BCAS3: variants seen among roughly 807,000 people sequenced by gnomAD.
BCAS3 encodes the protein BCAS4/BCAS3 fusion.
In BCAS3, 53 loss-of-function variants were observed where a neutral mutation model predicts 116.1. That is an observed-to-expected ratio of 0.46 (90% CI 0.37 to 0.57). BCAS3 has a LOEUF of 0.57. Ranked by LOEUF, BCAS3 falls within the 20% of genes least tolerant of loss-of-function variation. BCAS3 has a pLI of 0.00. For synonymous variants in BCAS3, 391 were observed against 408.2 expected (o/e 0.96, Z 0.51); for missense variants, 917 against 1,165.4 (o/e 0.79, Z 3.10).
chr17:60,722,829 A>G lies in BCAS3; in HGVS notation c.321+13504A>G, dbSNP rs1024362231. 6.7e-5 allele frequency among the ~76,000 whole-genome samples: 10 copies of G among 150,218 alleles called. No individual in the cohort carries two copies. The East Asian group carries it at 2.0e-3, about 29-fold the overall frequency. On this transcript the variant is annotated intron_variant, in intron 5 of 23. Coordinates refer to ENST00000407086, the MANE Select transcript of BCAS3 (RefSeq NM_017679.5). ...ATGCCTGTAATCCTGGCACTTTGGG[A>G]GGAGGTGGGAGGATCCTTTGAGATT...
intron 6 of BCAS3, among the ~76,000 whole-genome samples, chr17:60,754,362 A>G (rs11650474): frequency 0.73 from 110,032 of 151,540 alleles, 45,594 homozygotes; most frequent in South Asian, 0.98. Context: ...GTGCCACCAT[A>G]CCTGGCTAAT....
chr17:61,267,423 A>G (rs66873968), intron 22 of BCAS3, among the ~76,000 whole-genome samples: 148,961 of 151,914 alleles, frequency 0.98, 73,087 homozygotes, highest in Middle Eastern at 1. Context: ...TGATGTCAAG[A>G]CTTTTATTTT....
In BCAS3 at chr17:61,381,651, C is replaced by A. The variant is rs754757455; in HGVS notation, c.2594-10326C>A. The stretch of plus-strand genomic sequence containing the variant: ...AAACTCAGGTTTACCATCTGGAAAC[C>A]GAAAAAGCTCTTCCTGTTTAGAGCC... On this transcript the variant is annotated intron_variant, in intron 23 of 23. Coordinates refer to ENST00000407086, the MANE Select transcript of BCAS3 (RefSeq NM_017679.5). The surrounding 1 kb of genome is among the most constrained non-coding windows in gnomAD (Gnocchi z 6.0). 6.6e-6 allele frequency among the ~76,000 whole-genome samples: 1 copy of A among 151,992 alleles called. No homozygotes were observed. Among genetic ancestry groups the A allele is most frequent in the African/African-American group, 2.4e-5 (1 of 41,374 alleles).
At chr17:60,762,309 C>G (rs2043619885) in intron 6 of BCAS3, among the ~76,000 whole-genome samples, 1 of 152,112 alleles carries the variant, frequency 6.6e-6, no homozygotes, top group Admixed American at 6.6e-5. Context: ...CCTAGGTTTT[C>G]TTCTAGGGTT....
chr17:60,720,669 T>A (rs2039139315), intron 5 of BCAS3, among the ~76,000 whole-genome samples: 1 of 152,228 alleles, frequency 6.6e-6, no homozygotes, highest in South Asian at 2.1e-4. Flanking sequence ...TATAGCTATT[T>A]ACATAGCACA....
chr17:61,318,221 A>G (rs918215732), intron 22 of BCAS3, among the ~76,000 whole-genome samples: 10 of 152,236 alleles, frequency 6.6e-5, no homozygotes, highest in Non-Finnish European at 1.5e-4. Flanking sequence ...TCAGCTCTTC[A>G]TTTAAGATAT....
rs1214731695 is a variant in BCAS3, at chr17:61,017,446, A to G, written c.1637+1545A>G. 1.3e-5 allele frequency among the ~76,000 whole-genome samples: 2 copies of G among 152,140 alleles called. No individual in the cohort carries two copies. The highest frequency in any genetic ancestry group is 1.3e-4 in the Admixed American group (2 of 15,268). On this transcript the variant is annotated intron_variant, in intron 16 of 23. Transcript: ENST00000407086. The surrounding 1 kb of genome is among the most constrained non-coding windows in gnomAD (Gnocchi z 4.7). ...CCTGTCTTTTCTGAATCTAAGTGAA[A>G]CCATCCTCAAAATTGTTTCTCTGTA...
At chr17:60,935,116 A>G (rs571047964) in intron 13 of BCAS3, among the ~76,000 whole-genome samples, 2 of 152,330 alleles carry the variant, frequency 1.3e-5, no homozygotes, top group South Asian at 4.1e-4. Context: ...AATGCAATGC[A>G]ATGCAATGCA....
chr17:61,211,931 G>T lies in BCAS3; in HGVS notation c.2425+127367G>T, dbSNP rs930539350. On this transcript the variant is annotated intron_variant, in intron 22 of 23. Coordinates refer to ENST00000407086, the MANE Select transcript of BCAS3 (RefSeq NM_017679.5). The surrounding 1 kb of genome is among the most constrained non-coding windows in gnomAD (Gnocchi z 4.4). ...ATTTCATTCACTGTTGCAGTTTGCT[G>T]TGTGGGTGTTTCTACAATGTGGGAA... is the stretch of plus-strand genomic sequence containing the variant. 2.6e-5 allele frequency among the ~76,000 whole-genome samples: 4 copies of T among 152,244 alleles called. No individual in the cohort carries two copies. Among genetic ancestry groups the T allele is most frequent in the African/African-American group, 9.6e-5 (4 of 41,466 alleles).
intron 5 of BCAS3, among the ~76,000 whole-genome samples, chr17:60,712,006 A>T (rs556538325): frequency 6.7e-6 from 1 of 149,872 alleles, no homozygotes; most frequent in Non-Finnish European, 1.5e-5. Context: ...TACTAAAAAT[A>T]AAAAAAAAAT....
At chr17:60,953,165 C>T (rs895501176) in intron 14 of BCAS3, among the ~76,000 whole-genome samples, 3 of 152,022 alleles carry the variant, frequency 2.0e-5, no homozygotes, top group Non-Finnish European at 4.4e-5. Flanking sequence ...ATGGCAATTC[C>T]GTTTTTAGCT....
At chr17:61,157,754 T>C (rs56192555) in intron 22 of BCAS3, among the ~76,000 whole-genome samples, 1 of 152,224 alleles carries the variant, frequency 6.6e-6, no homozygotes, top group East Asian at 1.9e-4. Flanking sequence ...CTCTATTGAA[T>C]GGAAAGTATT....
chr17:60,808,936 T>C (rs1011811913), intron 7 of BCAS3, among the ~76,000 whole-genome samples: 2 of 151,956 alleles, frequency 1.3e-5, no homozygotes, highest in Non-Finnish European at 2.9e-5. Context: ...ACTGCCAGGG[T>C]AGGTTATAAT....
chr17:61,036,933 A>G (rs1386137974), intron 17 of BCAS3, among the ~76,000 whole-genome samples: 4 of 152,186 alleles, frequency 2.6e-5, no homozygotes, highest in African/African-American at 9.7e-5. Flanking sequence ...AAGGAGCTTT[A>G]GGTTCACAGC....
In BCAS3 at chr17:61,105,030, C is replaced by T. The variant is rs893162585; in HGVS notation, c.2425+20466C>T. Among the ~76,000 whole-genome samples, 1 of 152,206 alleles carries T rather than the reference C, an allele frequency of 6.6e-6. No homozygotes were observed. Among genetic ancestry groups the T allele is most frequent in the African/African-American group, 2.4e-5 (1 of 41,458 alleles). On this transcript the variant is annotated intron_variant, in intron 22 of 23. Transcript: ENST00000407086. The surrounding 1 kb of genome is among the most constrained non-coding windows in gnomAD (Gnocchi z 4.3). ...ACTTCAGGTAACCTCCGTGGGTTTC[C>T]TCACTGCTGTTGGCTCAGCTGTGGC...
chr17:60,732,070 C>T (rs1441522340), intron 5 of BCAS3, among the ~76,000 whole-genome samples: 3 of 152,122 alleles, frequency 2.0e-5, no homozygotes, highest in African/African-American at 4.8e-5. Flanking sequence ...CCACCGCGCC[C>T]GGCCAGCCCT....
intron 2 of BCAS3, among the ~76,000 whole-genome samples, chr17:60,682,001 A>G (rs1472872594): frequency 6.6e-6 from 1 of 152,150 alleles, no homozygotes; most frequent in African/African-American, 2.4e-5. Context: ...AAGTGCTGGG[A>G]TTACAGGTGT....
chr17:61,027,674 A>G (rs2066353121), intron 16 of BCAS3, among the ~76,000 whole-genome samples: 2 of 151,944 alleles, frequency 1.3e-5, no homozygotes, highest in African/African-American at 4.8e-5. Flanking sequence ...CTTAGATCCC[A>G]ATTGACACAC....
At chr17:60,681,097 C>T (rs576256221) in intron 2 of BCAS3, among the ~76,000 whole-genome samples, 7 of 152,170 alleles carry the variant, frequency 4.6e-5, no homozygotes, top group South Asian at 4.2e-4. Flanking sequence ...CTTAGCTACT[C>T]GGGAGGCTGA....
Sources: allele counts gnomAD v4.1 joint callset (sites outside exome capture counted in the v4.1 genomes callset), GRCh38; gene constraint gnomAD v4.1.1; non-coding constraint Gnocchi (gnomAD v3.1); transcripts MANE v1.5; gene names NCBI Gene and HGNC (gene_info 2026-07-23, HGNC 2026-07-21).